Variants in CSMD1 observed in about 807,000 individuals in gnomAD.
CSMD1 encodes the protein CUB and Sushi multiple domains 1, also known as CUB and sushi domain-containing protein 1.
In CSMD1, 213 loss-of-function variants were observed where a neutral mutation model predicts 417.5. The ratio of observed to expected loss-of-function variants is 0.51; its 90% CI spans 0.46 to 0.57. CSMD1 has a LOEUF of 0.57. Among genes scored for constraint, CSMD1 ranks in the 20% least tolerant of loss-of-function variants. CSMD1 has a pLI of 0.00. For missense variants in CSMD1, 6,923 were observed against 4,529.7 expected (o/e 1.53, Z -15.17); for synonymous variants, 2,862 against 1,736.8 (o/e 1.65, Z -16.11).
chr8:3,294,267 G>T (rs1197267399), intron 25 of CSMD1, among the ~76,000 whole-genome samples: 1 of 152,204 alleles, frequency 6.6e-6, no homozygotes, highest in Non-Finnish European at 1.5e-5. Flanking sequence ...CTACTCAGGG[G>T]TCAGGGACCC....
At chr8:4,268,879 T>C (rs1042064101) in intron 3 of CSMD1, among the ~76,000 whole-genome samples, 2 of 152,218 alleles carry the variant, frequency 1.3e-5, no homozygotes, top group African/African-American at 4.8e-5. Flanking sequence ...CCACATAGAA[T>C]GTTTATTCAT....
chr8:4,432,566 C>G (rs752500032), intron 2 of CSMD1, among the ~76,000 whole-genome samples: 1 of 152,148 alleles, frequency 6.6e-6, no homozygotes, highest in Non-Finnish European at 1.5e-5. Flanking sequence ...ACCCTTATGA[C>G]TTAAAGACAG....
chr8:3,826,012 C>T (rs1305306545), intron 5 of CSMD1, among the ~76,000 whole-genome samples: 1 of 152,192 alleles, frequency 6.6e-6, no homozygotes, highest in African/African-American at 2.4e-5. Context: ...TATTCACTTG[C>T]CTTTTTCAAA....
intron 3 of CSMD1, among the ~76,000 whole-genome samples, chr8:4,129,046 A>G (rs1802932798): frequency 7.1e-6 from 1 of 140,736 alleles, no homozygotes; most frequent in Admixed American, 7.6e-5. Context: ...ACTGCACTCC[A>G]GCGTGGTTAC....
chr8:4,417,705 A>G (rs1409793388), intron 3 of CSMD1, among the ~76,000 whole-genome samples: 2 of 152,030 alleles, frequency 1.3e-5, no homozygotes, highest in African/African-American at 2.4e-5. Context: ...AAAAGAGGAA[A>G]TCTGAGGTAT....
At chr8:3,013,519 G>A (rs935346052) in intron 52 of CSMD1, among the ~76,000 whole-genome samples, 1 of 152,210 alleles carries the variant, frequency 6.6e-6, no homozygotes. Context: ...GGGAGGCCAA[G>A]GCGGGCAGAT....
intron 47 of CSMD1, among the ~76,000 whole-genome samples, chr8:3,095,199 C>A (rs11775775): frequency 0.29 from 44,708 of 151,888 alleles, 6,622 homozygotes; most frequent in South Asian, 0.38. Flanking sequence ...ATTAAATATA[C>A]TTTTATGTCC....
intron 1 of CSMD1, among the ~76,000 whole-genome samples, chr8:4,727,197 G>A (rs1236633643): frequency 6.6e-6 from 1 of 152,112 alleles, no homozygotes; most frequent in East Asian, 1.9e-4. Flanking sequence ...TCTGAGAAAG[G>A]ACTGATCAAT....
chr8:3,287,710 G>A (rs962038043), intron 25 of CSMD1, among the ~76,000 whole-genome samples: 21 of 152,214 alleles, frequency 1.4e-4, no homozygotes, highest in Admixed American at 5.9e-4. Flanking sequence ...GGGCTGAGAC[G>A]ATGGGGTTTT....
At position 3,081,211 on chromosome 8, in the gene CSMD1, C is replaced by A. The variant is rs547025440; in HGVS notation, c.7474+5886G>T. ...ATCTTGCTCATTTACTAAAAGGTAC[C>A]TGTTGCATTTTAGTAACTATTTGAA... is the stretch of plus-strand genomic sequence containing the variant. On this transcript the variant is annotated intron_variant, in intron 49 of 69. Transcript: ENST00000635120. 5.9e-4 allele frequency among the ~76,000 whole-genome samples: 90 copies of A among 152,264 alleles called. 1 individual carries two copies. The highest frequency in any genetic ancestry group is 8.4e-4 in the Non-Finnish European group (57 of 68,030).
At chr8:3,732,986 C>G (rs1474607185) in intron 6 of CSMD1, among the ~76,000 whole-genome samples, 4 of 152,110 alleles carry the variant, frequency 2.6e-5, no homozygotes, top group Non-Finnish European at 5.9e-5. Flanking sequence ...AACCTACCTA[C>G]CTACCTACCT....
chr8:3,688,585 A>G (rs1800066986), intron 7 of CSMD1, among the ~76,000 whole-genome samples: 1 of 152,342 alleles, frequency 6.6e-6, no homozygotes, highest in East Asian at 1.9e-4. Context: ...GCTCATAATT[A>G]TTATTTATAC....
At chr8:4,047,729 G>C (rs891368293) in intron 3 of CSMD1, among the ~76,000 whole-genome samples, 1 of 151,874 alleles carries the variant, frequency 6.6e-6, no homozygotes, top group Non-Finnish European at 1.5e-5. Flanking sequence ...AAATGCTATG[G>C]AGAAAAATAA....
At chr8:2,982,242 G>T (rs1223484836) in intron 54 of CSMD1, among the ~76,000 whole-genome samples, 1 of 152,108 alleles carries the variant, frequency 6.6e-6, no homozygotes, top group East Asian at 1.9e-4. Flanking sequence ...TGTAATTCCA[G>T]CTACTCAGGA....
At chr8:3,805,000 C>T (rs954809223) in intron 5 of CSMD1, among the ~76,000 whole-genome samples, 62 of 152,276 alleles carry the variant, frequency 4.1e-4, no homozygotes, top group African/African-American at 1.5e-3. Context: ...CAGTTCACTT[C>T]TTCTGGTCTT....
intron 7 of CSMD1, among the ~76,000 whole-genome samples, chr8:3,690,669 G>A (rs1800188894): frequency 6.6e-6 from 1 of 152,132 alleles, no homozygotes; most frequent in Admixed American, 6.6e-5. Context: ...GGGGCTGTGT[G>A]GAGTTGTAGG....
chr8:3,931,121 T>G (rs959468771), intron 5 of CSMD1, among the ~76,000 whole-genome samples: 2 of 150,626 alleles, frequency 1.3e-5, no homozygotes, highest in Non-Finnish European at 1.5e-5. Context: ...AGGCCGATAT[T>G]GCAGGGTAAC....
intron 21 of CSMD1, among the ~76,000 whole-genome samples, chr8:3,356,637 T>A (rs1197790195): frequency 6.6e-6 from 1 of 152,238 alleles, no homozygotes; most frequent in Non-Finnish European, 1.5e-5. Context: ...ATCGTGCCAC[T>A]GCACTCCAGC....
At chr8:4,523,756 C>T (rs1017896090) in intron 2 of CSMD1, among the ~76,000 whole-genome samples, 2 of 152,136 alleles carry the variant, frequency 1.3e-5, no homozygotes, top group East Asian at 1.9e-4. Flanking sequence ...TAAAATAATG[C>T]ATATTAAAAT....
Sources: allele counts gnomAD v4.1 joint callset (sites outside exome capture counted in the v4.1 genomes callset), GRCh38; gene constraint gnomAD v4.1.1; transcripts MANE v1.5; gene names NCBI Gene and HGNC (gene_info 2026-07-23, HGNC 2026-07-21).